SLC24A3: variants seen among roughly 807,000 people sequenced by gnomAD.
SLC24A3 encodes the protein sodium/potassium/calcium exchanger 3.
In SLC24A3, 28 loss-of-function variants were observed where a neutral mutation model predicts 75.8. The ratio of observed to expected loss-of-function variants is 0.37; its 90% CI spans 0.27 to 0.51. The LOEUF (loss-of-function observed/expected upper bound fraction) is 0.51, where lower values mean the gene tolerates loss of function less well. Among genes scored for constraint, SLC24A3 ranks in the 20% least tolerant of loss-of-function variants. The pLI is 0.94. For synonymous variants in SLC24A3, 372 were observed against 334.1 expected (o/e 1.11, Z -1.24); for missense variants, 663 against 847.8 (o/e 0.78, Z 2.71).
intron 2 of SLC24A3, among the ~76,000 whole-genome samples, chr20:19,347,538 C>T (rs6106061): frequency 6.6e-6 from 1 of 151,976 alleles, no homozygotes; most frequent in South Asian, 2.1e-4. Flanking sequence ...TTGTTAAGAC[C>T]TTATTTTAAG....
chr20:19,627,792 A>G (rs2031882916), intron 6 of SLC24A3, among the ~76,000 whole-genome samples: 1 of 152,228 alleles, frequency 6.6e-6, no homozygotes, highest in Non-Finnish European at 1.5e-5. Flanking sequence ...TTGAACAAGT[A>G]TAAACACAGA....
chr20:19,447,555 T>TAC lies in SLC24A3; in HGVS notation c.272-67923_272-67922dup, dbSNP rs1185793754. Reference sequence around the variant, plus strand: ...TTGCCTTAAAAAATGGCGACACATATACACACACACAAAATAAAATAAAAC... The same window carrying TAC: ...TTGCCTTAAAAAATGGCGACACATATACACACACACACAAAATAAAATAAAAC... On this transcript the variant is annotated intron_variant, in intron 2 of 16. Coordinates refer to ENST00000328041, the MANE Select transcript of SLC24A3 (RefSeq NM_020689.4). 4.6e-5 allele frequency among the ~76,000 whole-genome samples: 7 copies of TAC among 152,182 alleles called. No homozygotes were observed. In the East Asian group the frequency reaches 7.7e-4, roughly 17 times the overall value.
intron 3 of SLC24A3, among the ~76,000 whole-genome samples, chr20:19,528,984 C>A (rs555734069): frequency 6.6e-6 from 1 of 152,234 alleles, no homozygotes; most frequent in Admixed American, 6.5e-5. Context: ...GAGGATCAAA[C>A]CTGGAGGATA....
chr20:19,304,015 A>C (rs1984262237), intron 2 of SLC24A3, among the ~76,000 whole-genome samples: 1 of 152,212 alleles, frequency 6.6e-6, no homozygotes, highest in Non-Finnish European at 1.5e-5. Flanking sequence ...TCGAGGATCC[A>C]AAACTAACAA....
At chr20:19,473,824 C>A (rs1334192128) in intron 2 of SLC24A3, among the ~76,000 whole-genome samples, 1 of 152,194 alleles carries the variant, frequency 6.6e-6, no homozygotes, top group African/African-American at 2.4e-5. Flanking sequence ...GGCCTTTGCC[C>A]CAGTGACCTC....
chr20:19,598,335 T>A (rs2031477133), intron 6 of SLC24A3, among the ~76,000 whole-genome samples: 1 of 152,116 alleles, frequency 6.6e-6, no homozygotes, highest in South Asian at 2.1e-4. Flanking sequence ...CCATTAACCT[T>A]TCCAGATGGT....
intron 3 of SLC24A3, among the ~76,000 whole-genome samples, chr20:19,560,401 C>T (rs188941949): frequency 6.6e-5 from 10 of 152,350 alleles, no homozygotes; most frequent in Admixed American, 3.9e-4. Context: ...GTGCTCCGCA[C>T]ATGGGCTGAG....
chr20:19,408,734 C>T (rs1186382510), intron 2 of SLC24A3, among the ~76,000 whole-genome samples: 2 of 152,166 alleles, frequency 1.3e-5, no homozygotes, highest in Non-Finnish European at 2.9e-5. Flanking sequence ...AAATTGGTGT[C>T]TCCATTTTTG....
intron 3 of SLC24A3, among the ~76,000 whole-genome samples, chr20:19,561,697 A>G (rs528023775): frequency 6.6e-6 from 1 of 152,320 alleles, no homozygotes; most frequent in East Asian, 1.9e-4. Context: ...TGAATGCTTG[A>G]AACATTCCAG....
chr20:19,272,623 C>A (rs1222446449), intron 1 of SLC24A3, among the ~76,000 whole-genome samples: 1 of 152,226 alleles, frequency 6.6e-6, no homozygotes, highest in Non-Finnish European at 1.5e-5. Context: ...AAGCTTGCCA[C>A]TAAAATTCTT....
chr20:19,611,770 T>C (rs2031673459), intron 6 of SLC24A3, among the ~76,000 whole-genome samples: 1 of 152,228 alleles, frequency 6.6e-6, no homozygotes, highest in African/African-American at 2.4e-5. Flanking sequence ...TATCGGGCTG[T>C]GTCCCTTTGC....
At chr20:19,412,408 AAAG>A (rs1007075446) in intron 2 of SLC24A3, among the ~76,000 whole-genome samples, 1 of 152,114 alleles carries the variant, frequency 6.6e-6, no homozygotes, top group Non-Finnish European at 1.5e-5. Flanking sequence ...AAGAAAAGAA[AAAG>A]AAGGAGGTGG....
intron 2 of SLC24A3, among the ~76,000 whole-genome samples, chr20:19,463,875 T>C (rs1327875144): frequency 6.6e-6 from 1 of 152,198 alleles, no homozygotes; most frequent in Non-Finnish European, 1.5e-5. Context: ...TACAGGGCTT[T>C]CCCAAGATTG....
chr20:19,432,446 T>G (rs1234511821), intron 2 of SLC24A3, among the ~76,000 whole-genome samples: 1 of 152,144 alleles, frequency 6.6e-6, no homozygotes, highest in East Asian at 1.9e-4. Flanking sequence ...TCAGTTCACC[T>G]ATTGAACTTT....
chr20:19,666,362 C>T (rs1262887472), intron 8 of SLC24A3, among the ~76,000 whole-genome samples: 3 of 151,844 alleles, frequency 2.0e-5, no homozygotes, highest in Non-Finnish European at 4.4e-5. Flanking sequence ...AAAAATTAGC[C>T]GGGCATGGTG....
rs1429063753 is a variant in SLC24A3 at position 19,317,022 on chromosome 20, A to G, written c.271+35935A>G. Among the ~76,000 whole-genome samples, 4 of 152,182 alleles carry G rather than the reference A, an allele frequency of 2.6e-5. No individual in the cohort carries two copies. In the East Asian group the frequency reaches 7.8e-4, roughly 30 times the overall value. On this transcript the variant is annotated intron_variant, in intron 2 of 16. Coordinates refer to ENST00000328041, the MANE Select transcript of SLC24A3 (RefSeq NM_020689.4). Reference sequence around the variant, plus strand: ...CCCTCTGACAAAAGGCCATACACCTACAACCATCTGACCTTTGACAAACCT... The same window carrying G: ...CCCTCTGACAAAAGGCCATACACCTGCAACCATCTGACCTTTGACAAACCT...
chr20:19,579,606 A>G (rs1444422445), intron 3 of SLC24A3, among the ~76,000 whole-genome samples: 1 of 152,228 alleles, frequency 6.6e-6, no homozygotes, highest in Admixed American at 6.5e-5. Context: ...AGGAAAAACC[A>G]AAGAGATAAA....
intron 1 of SLC24A3, among the ~76,000 whole-genome samples, chr20:19,222,747 C>T (rs923134342): frequency 1.3e-5 from 2 of 148,478 alleles, no homozygotes; most frequent in Admixed American, 6.7e-5. Context: ...TCCCTCCCTC[C>T]CTCCTTCTTC....
intron 1 of SLC24A3, among the ~76,000 whole-genome samples, chr20:19,224,602 C>T (rs1367940383): frequency 6.6e-6 from 1 of 152,086 alleles, no homozygotes; most frequent in African/African-American, 2.4e-5. Flanking sequence ...ATGAAAATAG[C>T]TTATTTGAGT....
Sources: gnomAD v4.1 joint callset for allele counts (sites outside exome capture counted in the v4.1 genomes callset) on GRCh38, gnomAD v4.1.1 for gene constraint, MANE v1.5 for transcripts, NCBI Gene and HGNC (gene_info 2026-07-23, HGNC 2026-07-21) for gene names.